The following TSEN2 variants were observed in gnomAD, a reference collection of about 807,000 sequenced individuals.
TSEN2 encodes the protein tRNA splicing endonuclease subunit 2.
TSEN2 carries 54 observed loss-of-function variants against 59.2 expected under a neutral mutation model. The observed-to-expected ratio is 0.91, with a 90% confidence interval of 0.73 to 1.14. The LOEUF is 1.14. Ranked by LOEUF, TSEN2 falls within the 50% of genes most tolerant of loss-of-function variation. TSEN2 has a pLI of 0.00. For synonymous variants in TSEN2, 195 were observed against 198.2 expected (o/e 0.98, Z 0.14); for missense variants, 636 against 576.2 (o/e 1.10, Z -1.06).
upstream of TSEN2, among the ~76,000 whole-genome samples, chr3:12,484,106 G>T (rs1371279585): frequency 1.3e-5 from 2 of 152,220 alleles, no homozygotes; most frequent in Non-Finnish European, 2.9e-5. Context: ...AGAAAGATGA[G>T]ATCAGTTTCC....
Position 12,518,390 on chromosome 3 carries a change from G to T in TSEN2, c.961-669G>T, listed in dbSNP as rs566220478. ...ACGAACTGTGCTCCAGCCTTGGTGGGCTTGTTACAGTGAGCCCCCTGCATG... is the reference window on the plus strand; with the variant it reads ...ACGAACTGTGCTCCAGCCTTGGTGGTCTTGTTACAGTGAGCCCCCTGCATG... On this transcript the variant is annotated intron_variant, in intron 7 of 11. Coordinates refer to ENST00000284995, the MANE Select transcript of TSEN2 (RefSeq NM_025265.4). 2.6e-5 allele frequency among the ~76,000 whole-genome samples: 4 copies of T among 152,270 alleles called. No individual in the cohort carries two copies. In the East Asian group the frequency reaches 7.7e-4, roughly 29 times the overall value.
At chr3:12,505,130 T>C in intron 5 of TSEN2, 24 bp from the exon 6 acceptor site, 1 of 1,376,614 alleles carries the variant, frequency 7.3e-7, no homozygotes, top group South Asian at 1.2e-5. Context: ...TTGTTCTGTA[T>C]ATATTGTATT....
rs144898008 is a variant in TSEN2, at chr3:12,492,254, TA to T, written c.271+39del. ...GTATCATTCAGTTCTTTTGACAAAT[TA>T]ATCATTTTCCTTTGTTTTTGATCTT... is the stretch of plus-strand genomic sequence containing the variant. On this transcript the variant is annotated intron_variant, in intron 3 of 11. Coordinates refer to ENST00000284995, the MANE Select transcript of TSEN2 (RefSeq NM_025265.4). 0.018 allele frequency: 27,965 copies of T among 1,548,512 alleles called. 492 individuals are homozygous for T. Among genetic ancestry groups the T allele is most frequent in the South Asian group, 0.055 (4,972 of 89,700 alleles).
downstream of TSEN2, among the ~76,000 whole-genome samples, chr3:12,537,816 CAAGG>C (rs752360262): frequency 6.6e-6 from 1 of 152,234 alleles, no homozygotes; most frequent in Non-Finnish European, 1.5e-5. Flanking sequence ...TGAGGATTGA[CAAGG>C]AAGAATAAGT....
At chr3:12,529,674 T>C in intron 9 of TSEN2, 88 bp from the exon 10 acceptor site, 1 of 1,189,646 alleles carries the variant, frequency 8.4e-7, no homozygotes, top group East Asian at 2.4e-5. Context: ...TTTCATTTTC[T>C]GTATATTTGT....
intron 8 of TSEN2, among the ~76,000 whole-genome samples, chr3:12,522,933 CA>C (rs550961745): frequency 2.5e-4 from 38 of 152,330 alleles, no homozygotes; most frequent in African/African-American, 8.9e-4. Flanking sequence ...TAGGGCCAGC[CA>C]GGCACCTTGC....
chr3:12,513,918 G>A (rs2055774312), intron 6 of TSEN2, among the ~76,000 whole-genome samples: 1 of 152,214 alleles, frequency 6.6e-6, no homozygotes, highest in Admixed American at 6.5e-5. Flanking sequence ...GAGACCTGCT[G>A]TAGGGTGGCT....
Position 12,531,637 on chromosome 3 carries a change from G to C in TSEN2, c.1316G>C (p.Cys439Ser). 6.2e-7 allele frequency: 1 copy of C among 1,611,046 alleles called. No homozygotes were observed. Among genetic ancestry groups the C allele is most frequent in the Non-Finnish European group, 8.5e-7 (1 of 1,177,156 alleles). The change falls in exon 11 of 12, where the codon TGT (cysteine) becomes TCT (serine). Residue 439 changes from cysteine (C) to serine (S), a missense_variant. Physicochemically the swap from Cys to Ser is moderately radical, Grantham distance 112. Transcript: ENST00000284995. ...GACAAGGAAATGGAGTCACCAGAAT[G>C]TATGAAAAGGATTAAAGTTCAGGTG... ...MTDKEMESPE[C>S]MKRIKVQEVI...
chr3:12,529,615 A>T, intron 9 of TSEN2, 147 bp from the exon 10 acceptor site: 1 of 715,624 alleles, frequency 1.4e-6, no homozygotes. Context: ...TTTTTCATTA[A>T]TATTTTCTCA....
chr3:12,502,278 G>T (rs2054345734), intron 4 of TSEN2, among the ~76,000 whole-genome samples: 1 of 152,210 alleles, frequency 6.6e-6, no homozygotes, highest in Non-Finnish European at 1.5e-5. Context: ...GAGAGCGGTG[G>T]CTTACACCTG....
rs189567662 is a variant in TSEN2 at position 12,516,898 on chromosome 3, C to A, written c.960+237C>A. On this transcript the variant is annotated intron_variant, in intron 7 of 11. Transcript: ENST00000284995. ...CTCAAAACTAGGAGAAGTACAGTAT[C>A]TTGTACTGGATAATGATTAGGAAAT... Among the ~76,000 whole-genome samples the A allele has an allele frequency of 1.9e-3, 292 of 152,220 alleles. 3 individuals are homozygous for A. The highest frequency in any genetic ancestry group is 6.8e-3 in the African/African-American group (283 of 41,504).
At chr3:12,534,079 C>T (rs2057610828), downstream of TSEN2, among the ~76,000 whole-genome samples, 1 of 152,038 alleles carries the variant, frequency 6.6e-6, no homozygotes, top group Non-Finnish European at 1.5e-5. Context: ...ATGGCGCTAT[C>T]CTAAAAATTG....
chr3:12,490,170 G>C (rs1344018917), intron 2 of TSEN2, among the ~76,000 whole-genome samples, 181 bp downstream of exon 2: 1 of 152,146 alleles, frequency 6.6e-6, no homozygotes, highest in African/African-American at 2.4e-5. Flanking sequence ...CCATATGTTA[G>C]GGTAATAGAA....
rs115455534 is a variant in TSEN2, at chr3:12,487,647, G to A, written c.-17-2137G>A. On this transcript the variant is annotated intron_variant, in intron 1 of 11. Transcript: ENST00000284995. ...GAGACCAACATCCTGCCCCCAAAAAGCAGTGTTTATTTTCAGTTTTAGAAT... is the reference window on the plus strand; with the variant it reads ...GAGACCAACATCCTGCCCCCAAAAAACAGTGTTTATTTTCAGTTTTAGAAT... 9.8e-3 allele frequency among the ~76,000 whole-genome samples: 1,488 copies of A among 152,232 alleles called. 10 individuals are homozygous for A. Among genetic ancestry groups the A allele is most frequent in the Middle Eastern group, 0.017 (5 of 294 alleles).
At chr3:12,539,089 GT>G (rs200791674) in intron 10 of TSEN2, 4 of 414,958 alleles carry the variant, frequency 9.6e-6, no homozygotes, top group East Asian at 7.6e-5. Context: ...GGGGTTTTTG[GT>G]TTTTTTTACT....
chr3:12,490,551 A>G (rs76992909), intron 2 of TSEN2, among the ~76,000 whole-genome samples: 1 of 152,102 alleles, frequency 6.6e-6, no homozygotes, highest in South Asian at 2.1e-4. Context: ...TTTAAAAAAA[A>G]TTTTCCATAA....
intron 8 of TSEN2, among the ~76,000 whole-genome samples, chr3:12,526,306 G>T (rs571829856): frequency 2.0e-5 from 3 of 152,258 alleles, no homozygotes; most frequent in Admixed American, 6.5e-5. Context: ...TTCCAGACCT[G>T]CAGGCTGCAT....
downstream of TSEN2, among the ~76,000 whole-genome samples, chr3:12,534,048 G>T (rs1439473392): frequency 6.6e-6 from 1 of 152,132 alleles, no homozygotes; most frequent in African/African-American, 2.4e-5. Context: ...GACTGGACCT[G>T]AGATCACTAT....
At chr3:12,537,575 A>G (rs145369732), downstream of TSEN2, among the ~76,000 whole-genome samples, 120 of 152,284 alleles carry the variant, frequency 7.9e-4, no homozygotes, top group Non-Finnish European at 1.3e-3. Flanking sequence ...TAATGATGGC[A>G]AAGTATTGAC....
Sources: allele counts gnomAD v4.1 joint callset (sites outside exome capture counted in the v4.1 genomes callset), GRCh38; gene constraint gnomAD v4.1.1; transcripts MANE v1.5; gene names NCBI Gene and HGNC (gene_info 2026-07-23, HGNC 2026-07-21).